FHIT: variants seen among roughly 807,000 people sequenced by gnomAD.
FHIT encodes fragile histidine triad diadenosine triphosphatase, also known as bis(5'-adenosyl)-triphosphatase.
A neutral mutation model predicts 17.9 loss-of-function variants in FHIT; 19 were observed. The ratio of observed to expected loss-of-function variants is 1.06; its 90% CI spans 0.74 to 1.56. The LOEUF (loss-of-function observed/expected upper bound fraction) is 1.56, where lower values mean the gene tolerates loss of function less well. FHIT is among the 40% of genes most tolerant of loss of function. FHIT has a pLI of 0.00. For synonymous variants in FHIT, 81 were observed against 69.7 expected, an observed-to-expected ratio of 1.16 and a Z score of -0.81; for missense variants, 248 against 189.2, an observed-to-expected ratio of 1.31 and a Z score of -1.82.
At chr3:60,594,674 G>A (rs116239022) in intron 4 of FHIT, among the ~76,000 whole-genome samples, 25 of 152,036 alleles carry the variant, frequency 1.6e-4, no homozygotes, top group African/African-American at 5.8e-4. Flanking sequence ...TTCCTTTTGA[G>A]TCTTCACCAG....
intron 4 of FHIT, among the ~76,000 whole-genome samples, chr3:60,763,401 C>T (rs914728326): frequency 1.3e-5 from 2 of 152,170 alleles, no homozygotes; most frequent in Admixed American, 1.3e-4. Context: ...CTCCATCATT[C>T]CATAGCTACT....
rs1705368943 is a variant in FHIT, at chr3:60,889,056, C to A, written c.-110-67045G>T. On this transcript the variant is annotated intron_variant, in intron 3 of 9. Transcript: ENST00000492590. Reference sequence around the variant, plus strand: ...ATTACCTACTCCACCCCGACTCATTCCAATTCCTACTCCACCCCAACTCAT... The same window carrying A: ...ATTACCTACTCCACCCCGACTCATTACAATTCCTACTCCACCCCAACTCAT... Among the ~76,000 whole-genome samples the A allele has an allele frequency of 5.3e-5, 8 of 152,258 alleles. No individual in the cohort carries two copies. In the South Asian group the frequency reaches 1.7e-3, roughly 32 times the overall value.
At chr3:60,879,543 A>T (rs1371126413) in intron 3 of FHIT, among the ~76,000 whole-genome samples, 1 of 152,244 alleles carries the variant, frequency 6.6e-6, no homozygotes, top group Non-Finnish European at 1.5e-5. Context: ...CCAAAGGAAC[A>T]AAATAACTCC....
chr3:61,212,038 C>T (rs914070288), intron 1 of FHIT, among the ~76,000 whole-genome samples: 4 of 152,136 alleles, frequency 2.6e-5, no homozygotes, highest in African/African-American at 7.2e-5. Flanking sequence ...GTAGATAAAA[C>T]CACAAAGATG....
chr3:61,183,693 A>T (rs548328488), intron 2 of FHIT, among the ~76,000 whole-genome samples: 245 of 152,362 alleles, frequency 1.6e-3, no homozygotes, highest in African/African-American at 5.7e-3. Context: ...CCAAAAAGCC[A>T]GCTACATTTT....
At chr3:60,889,695 G>T (rs1306177062) in intron 3 of FHIT, among the ~76,000 whole-genome samples, 1 of 152,096 alleles carries the variant, frequency 6.6e-6, no homozygotes, top group Non-Finnish European at 1.5e-5. Context: ...TTTAAAAATT[G>T]TATATGCAGC....
At chr3:60,067,799 T>A (rs1488669773) in intron 5 of FHIT, among the ~76,000 whole-genome samples, 2 of 152,232 alleles carry the variant, frequency 1.3e-5, no homozygotes, top group Non-Finnish European at 2.9e-5. Flanking sequence ...AATGTCCCAA[T>A]TAAACCAGCA....
intron 7 of FHIT, among the ~76,000 whole-genome samples, chr3:59,950,461 C>A (rs767508245): frequency 4.6e-5 from 7 of 152,156 alleles, no homozygotes; most frequent in Non-Finnish European, 7.3e-5. Flanking sequence ...TTTCCATGAC[C>A]GATCCTCCAA....
At chr3:60,114,259 T>C (rs922271543) in intron 5 of FHIT, among the ~76,000 whole-genome samples, 1 of 150,160 alleles carries the variant, frequency 6.7e-6, no homozygotes. Flanking sequence ...CAAGTTTATA[T>C]AGCTACTTAG....
intron 8 of FHIT, among the ~76,000 whole-genome samples, chr3:59,812,616 C>T (rs1700448090): frequency 6.6e-6 from 1 of 152,126 alleles, no homozygotes; most frequent in Admixed American, 6.5e-5. Flanking sequence ...TGAAAATGCA[C>T]GCACATTAAT....
chr3:60,371,354 T>G (rs183689565), intron 5 of FHIT, among the ~76,000 whole-genome samples: 1 of 148,974 alleles, frequency 6.7e-6, no homozygotes, highest in Non-Finnish European at 1.5e-5. Flanking sequence ...TTATTAAATA[T>G]TTTCTTCTAG....
At chr3:60,982,280 G>C (rs537274396) in intron 3 of FHIT, among the ~76,000 whole-genome samples, 25 of 152,322 alleles carry the variant, frequency 1.6e-4, no homozygotes, top group Middle Eastern at 3.4e-3. Flanking sequence ...TAAACTCAAA[G>C]TCCACTGCTT....
At chr3:60,997,990 AACTGAATT>A (rs1354184459) in intron 3 of FHIT, among the ~76,000 whole-genome samples, 2 of 152,210 alleles carry the variant, frequency 1.3e-5, no homozygotes, top group African/African-American at 4.8e-5. Context: ...AAGCACTCTC[AACTGAATT>A]AAATCTCATG....
chr3:61,244,264 C>A (rs1370569058), intron 1 of FHIT: 1 of 152,170 alleles, frequency 6.6e-6, no homozygotes, highest in Non-Finnish European at 1.5e-5. Context: ...GTGATTCTAA[C>A]TTACAGCCAA....
At chr3:60,244,548 T>C (rs921274031) in intron 5 of FHIT, among the ~76,000 whole-genome samples, 5 of 152,064 alleles carry the variant, frequency 3.3e-5, no homozygotes, top group Non-Finnish European at 5.9e-5. Context: ...TACTGACTGA[T>C]TTCTGCTTCC....
At chr3:60,051,295 A>G (rs1701866593) in intron 5 of FHIT, among the ~76,000 whole-genome samples, 2 of 150,832 alleles carry the variant, frequency 1.3e-5, no homozygotes, top group Admixed American at 1.3e-4. Context: ...AACTTAGTCT[A>G]TTAAACACAC....
chr3:60,093,787 C>A (rs1305389159), intron 5 of FHIT, among the ~76,000 whole-genome samples: 1 of 152,154 alleles, frequency 6.6e-6, no homozygotes, highest in East Asian at 1.9e-4. Context: ...ACAGTTTCAT[C>A]CCGAAACCAC....
intron 5 of FHIT, among the ~76,000 whole-genome samples, chr3:60,213,485 G>A (rs1357374741): frequency 6.6e-6 from 1 of 152,168 alleles, no homozygotes; most frequent in East Asian, 1.9e-4. Context: ...CCCAAGTCAA[G>A]CTCCCACAGG....
intron 8 of FHIT, among the ~76,000 whole-genome samples, chr3:59,862,355 C>T (rs1702444535): frequency 6.6e-6 from 1 of 152,194 alleles, no homozygotes; most frequent in Non-Finnish European, 1.5e-5. Context: ...CACCAGGTCC[C>T]TCCCACGACA....
Sources: allele counts gnomAD v4.1 joint callset (sites outside exome capture counted in the v4.1 genomes callset), GRCh38; gene constraint gnomAD v4.1.1; transcripts MANE v1.5; gene names NCBI Gene and HGNC (gene_info 2026-07-23, HGNC 2026-07-21).